NRXN3: variants seen among roughly 807,000 people sequenced by gnomAD.
NRXN3 encodes neurexin 3.
A neutral mutation model predicts 137.6 loss-of-function variants in NRXN3; 32 were observed. That is an observed-to-expected ratio of 0.23 (90% CI 0.18 to 0.31). The LOEUF (loss-of-function observed/expected upper bound fraction) is 0.31. NRXN3 is among the 10% of genes least tolerant of loss of function. The probability of loss-of-function intolerance (pLI) is 1.00; values close to 1 mark genes in which losing one functional copy is unlikely to be tolerated. For missense variants in NRXN3, 1,574 were observed against 2,062.5 expected (o/e 0.76, Z 4.59); for synonymous variants, 798 against 784.5 (o/e 1.02, Z -0.29).
At chr14:79,603,202 C>T (rs2097949005) in intron 16 of NRXN3, among the ~76,000 whole-genome samples, 1 of 149,112 alleles carries the variant, frequency 6.7e-6, no homozygotes, top group Middle Eastern at 3.4e-3. Flanking sequence ...AAAATGACAG[C>T]TTTGTTTCGT....
intron 15 of NRXN3, among the ~76,000 whole-genome samples, chr14:79,285,525 C>A (rs2082091355): frequency 6.6e-6 from 1 of 152,124 alleles, no homozygotes; most frequent in Admixed American, 6.6e-5. Flanking sequence ...ATGTCTGAGA[C>A]CAAGGTGTCA....
chr14:79,025,386 C>A (rs1236235778), intron 15 of NRXN3, among the ~76,000 whole-genome samples: 8 of 152,144 alleles, frequency 5.3e-5, no homozygotes, highest in Admixed American at 2.0e-4. Context: ...CTTCCCAGCC[C>A]TGTATAATCT....
At chr14:79,281,915 A>G (rs1349942996) in intron 15 of NRXN3, 1 of 152,214 alleles carries the variant, frequency 6.6e-6, no homozygotes, top group Admixed American at 6.5e-5. Context: ...TGTAAGTGGA[A>G]GCACATTGAG....
chr14:78,601,611 C>A (rs766037438), intron 4 of NRXN3, among the ~76,000 whole-genome samples: 1 of 152,004 alleles, frequency 6.6e-6, no homozygotes, highest in Non-Finnish European at 1.5e-5. Flanking sequence ...CGCCACCACG[C>A]CCGGCTAATT....
intron 4 of NRXN3, among the ~76,000 whole-genome samples, chr14:78,509,977 G>A (rs1372606471): frequency 2.0e-5 from 3 of 151,248 alleles, no homozygotes; most frequent in African/African-American, 7.3e-5. Flanking sequence ...TTTCTATATA[G>A]GGGAGGAAAA....
chr14:78,759,393 T>C (rs2098683142), intron 8 of NRXN3, among the ~76,000 whole-genome samples: 1 of 152,232 alleles, frequency 6.6e-6, no homozygotes. Context: ...CTCTTTAAGA[T>C]ATTTTTGCAA....
At chr14:78,205,075 C>T (rs560221558) in intron 1 of NRXN3, among the ~76,000 whole-genome samples, 1 of 152,268 alleles carries the variant, frequency 6.6e-6, no homozygotes, top group Non-Finnish European at 1.5e-5. Flanking sequence ...GCCCGCTGCC[C>T]CAGCCCACAG....
chr14:78,290,483 C>T (rs966324439), intron 3 of NRXN3, among the ~76,000 whole-genome samples: 4 of 152,104 alleles, frequency 2.6e-5, no homozygotes, highest in Admixed American at 1.3e-4. Flanking sequence ...AAGGGCTGGT[C>T]TGAGACAAAA....
intron 16 of NRXN3, among the ~76,000 whole-genome samples, chr14:79,519,084 A>G (rs59860458): frequency 0.3 from 45,693 of 151,958 alleles, 9,192 homozygotes; most frequent in African/African-American, 0.57. Context: ...GGCTCAGGTG[A>G]CAGACAACTT....
chr14:79,428,639 C>G (rs2095695452), intron 15 of NRXN3, among the ~76,000 whole-genome samples: 1 of 152,070 alleles, frequency 6.6e-6, no homozygotes, highest in African/African-American at 2.4e-5. Flanking sequence ...TATTGACCAT[C>G]TAAATATATA....
At chr14:79,553,621 G>T (rs539105088) in intron 16 of NRXN3, among the ~76,000 whole-genome samples, 1 of 152,148 alleles carries the variant, frequency 6.6e-6, no homozygotes. Context: ...CATACAGGTG[G>T]CACAGGTGGT....
chr14:79,678,191 A>G (rs975576196), intron 17 of NRXN3, among the ~76,000 whole-genome samples: 4 of 152,094 alleles, frequency 2.6e-5, no homozygotes, highest in African/African-American at 9.7e-5. Flanking sequence ...CTAGCTGTTG[A>G]TTAAAGGGAC....
chr14:79,241,186 T>A (rs1221823857), intron 15 of NRXN3, among the ~76,000 whole-genome samples: 3 of 152,016 alleles, frequency 2.0e-5, no homozygotes, highest in African/African-American at 7.2e-5. Context: ...TAGGACAAGA[T>A]GAAAAATAGC....
At chr14:79,474,683 A>G (rs2096544056) in intron 16 of NRXN3, among the ~76,000 whole-genome samples, 2 of 152,090 alleles carry the variant, frequency 1.3e-5, no homozygotes, top group African/African-American at 4.8e-5. Context: ...TCTCTTTAGT[A>G]TAAGCTTCCA....
chr14:79,837,721 T>C (rs182429539), intron 20 of NRXN3, among the ~76,000 whole-genome samples: 2 of 152,310 alleles, frequency 1.3e-5, no homozygotes, highest in Non-Finnish European at 2.9e-5. Context: ...ACAGTTAAGT[T>C]CTTGCTTTTG....
At chr14:78,293,653 G>A (rs1022696486) in intron 3 of NRXN3, among the ~76,000 whole-genome samples, 2 of 151,948 alleles carry the variant, frequency 1.3e-5, no homozygotes, top group African/African-American at 2.4e-5. Context: ...GATCCATCTC[G>A]TTCACAGTAT....
chr14:79,434,071 T>A (rs1246720740), intron 15 of NRXN3, among the ~76,000 whole-genome samples: 1 of 152,204 alleles, frequency 6.6e-6, no homozygotes, highest in Non-Finnish European at 1.5e-5. Flanking sequence ...TGCTAGAGGT[T>A]AAGCAACACT....
At chr14:79,441,504 C>T (rs1055979721) in intron 15 of NRXN3, among the ~76,000 whole-genome samples, 6 of 150,514 alleles carry the variant, frequency 4.0e-5, no homozygotes, top group African/African-American at 9.8e-5. Flanking sequence ...CTCAGCCTCC[C>T]GAGTAGCTGG....
At chr14:79,499,265 C>A (rs180771690) in intron 16 of NRXN3, among the ~76,000 whole-genome samples, 1 of 152,336 alleles carries the variant, frequency 6.6e-6, no homozygotes, top group African/African-American at 2.4e-5. Flanking sequence ...ACATCTACCA[C>A]ACCCTGGGCT....
Sources: gnomAD v4.1 joint callset for allele counts (sites outside exome capture counted in the v4.1 genomes callset) on GRCh38, gnomAD v4.1.1 for gene constraint, MANE v1.5 for transcripts, NCBI Gene and HGNC (gene_info 2026-07-23, HGNC 2026-07-21) for gene names.